Variants in OTOGL observed in about 807,000 individuals in gnomAD.
OTOGL encodes the protein otogelin like.
A neutral mutation model predicts 318.5 loss-of-function variants in OTOGL; 285 were observed. That is an observed-to-expected ratio of 0.89 (90% CI 0.81 to 0.99). OTOGL has a LOEUF of 0.99. Among genes scored for constraint, OTOGL ranks in the 50% least tolerant of loss-of-function variants. The probability of loss-of-function intolerance (pLI) is 0.00; values close to 1 mark genes in which losing one functional copy is unlikely to be tolerated. For synonymous variants in OTOGL, 987 were observed against 936.5 expected (o/e 1.05, Z -0.99); for missense variants, 2,899 against 2,845.6 (o/e 1.02, Z -0.43).
At chr12:80,267,511 G>A (rs1195961058) in intron 22 of OTOGL, among the ~76,000 whole-genome samples, 184 bp downstream of exon 22, 3 of 150,880 alleles carry the variant, frequency 2.0e-5, no homozygotes, top group East Asian at 3.9e-4. Context: ...CCATTAACTC[G>A]TCATTTACAT....
intron 3 of OTOGL, 86 bp from the exon 4 acceptor site, chr12:80,211,863 G>A: frequency 9.1e-7 from 1 of 1,095,866 alleles, no homozygotes; most frequent in South Asian, 1.5e-5. Flanking sequence ...GAAATCAGGA[G>A]GAAAACACCA....
chr12:80,191,293 C>A (rs1044430318), intron 1 of OTOGL, among the ~76,000 whole-genome samples: 4 of 152,108 alleles, frequency 2.6e-5, no homozygotes. Flanking sequence ...CAAAAATTAG[C>A]CAGGCGCGGG....
At chr12:80,221,268 CTTT>C (rs5799457) in intron 6 of OTOGL, among the ~76,000 whole-genome samples, 1 of 137,050 alleles carries the variant, frequency 7.3e-6, no homozygotes, top group Non-Finnish European at 1.6e-5. Context: ...TCCAGCATAC[CTTT>C]TTTTTTTTTT....
chr12:80,254,688 A>T, intron 15 of OTOGL, 118 bp downstream of exon 15: 1 of 786,270 alleles, frequency 1.3e-6, no homozygotes, highest in Non-Finnish European at 1.9e-6. Flanking sequence ...ATAATCTGTA[A>T]ATGCAATTAC....
intron 1 of OTOGL, among the ~76,000 whole-genome samples, chr12:80,165,365 T>C (rs889651605): frequency 9.9e-5 from 15 of 152,192 alleles, no homozygotes; most frequent in African/African-American, 3.6e-4. Flanking sequence ...GGGCCAACTA[T>C]GTGCAAAGTA....
intron 4 of OTOGL, among the ~76,000 whole-genome samples, chr12:80,213,257 T>C (rs780970177): frequency 1.3e-5 from 2 of 152,374 alleles, no homozygotes; most frequent in African/African-American, 4.8e-5. Context: ...TAAACTGTCA[T>C]GGCGTTGGTG....
chr12:80,137,210 C>A (rs1871634129), intron 1 of OTOGL, among the ~76,000 whole-genome samples: 1 of 151,680 alleles, frequency 6.6e-6, no homozygotes, highest in African/African-American at 2.4e-5. Context: ...GGTATTTATA[C>A]AAAAATGCCA....
Position 80,138,838 on chromosome 12 carries a change from TG to T in OTOGL, c.-20+39234del, listed in dbSNP as rs1218099486. On this transcript the variant is annotated intron_variant, in intron 1 of 58. Coordinates refer to ENST00000547103, the MANE Select transcript of OTOGL (RefSeq NM_001378609.3). Reference sequence around the variant, plus strand: ...TACTGATACATCTTTAACACTAAAATGTTTTTTGAGTGAATGAATAAATGAA... The same window carrying T: ...TACTGATACATCTTTAACACTAAAATTTTTTTGAGTGAATGAATAAATGAA... Among the ~76,000 whole-genome samples, 3 of 152,294 alleles carry T rather than the reference TG, an allele frequency of 2.0e-5. No individual in the cohort carries two copies. The East Asian group carries it at 5.8e-4, about 29-fold the overall frequency.
At chr12:80,162,312 T>C (rs1054150291) in intron 1 of OTOGL, among the ~76,000 whole-genome samples, 28 of 152,132 alleles carry the variant, frequency 1.8e-4, no homozygotes, top group Non-Finnish European at 1.5e-4. Context: ...TCTCTAATTA[T>C]AGAGATGGTG....
At chr12:80,335,719 G>A (rs1207047558) in intron 38 of OTOGL, among the ~76,000 whole-genome samples, 2 of 152,004 alleles carry the variant, frequency 1.3e-5, no homozygotes, top group Non-Finnish European at 2.9e-5. Context: ...TTCTTCAGAT[G>A]TTTGAATATA....
intron 7 of OTOGL, 85 bp downstream of exon 7, chr12:80,222,330 A>T (rs913209626): frequency 3.9e-5 from 48 of 1,237,812 alleles, no homozygotes; most frequent in Non-Finnish European, 5.0e-5. Flanking sequence ...AATGATGCAA[A>T]ATATATACTA....
At chr12:80,256,652 T>C (rs1298534113) in intron 17 of OTOGL, among the ~76,000 whole-genome samples, 192 bp downstream of exon 17, 1 of 152,108 alleles carries the variant, frequency 6.6e-6, no homozygotes, top group East Asian at 1.9e-4. Context: ...ACCTAGTGAT[T>C]ACCTCAAGTG....
At chr12:80,137,084 A>G (rs1399451416) in intron 1 of OTOGL, among the ~76,000 whole-genome samples, 2 of 152,190 alleles carry the variant, frequency 1.3e-5, no homozygotes, top group East Asian at 3.9e-4. Flanking sequence ...ATGTAGAAGG[A>G]CTATTTTCCT....
At chr12:80,374,998 C>T (rs977554270) in intron 57 of OTOGL, among the ~76,000 whole-genome samples, 2 of 152,110 alleles carry the variant, frequency 1.3e-5, no homozygotes, top group East Asian at 1.9e-4. Flanking sequence ...TTAGGCCTGT[C>T]CAGTATCTGG....
rs181931417 is a variant in OTOGL at position 80,286,512 on chromosome 12, T to A, written c.2928+7346T>A. On this transcript the variant is annotated intron_variant, in intron 26 of 58. Transcript: ENST00000547103. ...TGAATCCATCTGGTCCTGGGCTTTT[T>A]TTGGTTGGTAGGCTATTAATTACTG... 6.1e-3 allele frequency among the ~76,000 whole-genome samples: 923 copies of A among 152,286 alleles called. 13 individuals are homozygous for A. Among genetic ancestry groups the A allele is most frequent in the Non-Finnish European group, 5.7e-3 (388 of 68,024 alleles).
chr12:80,129,892 T>A (rs1384881791), intron 1 of OTOGL, among the ~76,000 whole-genome samples: 3 of 152,196 alleles, frequency 2.0e-5, no homozygotes, highest in Non-Finnish European at 4.4e-5. Flanking sequence ...CATGACCCCA[T>A]ATAAAACTGA....
intron 52 of OTOGL, 42 bp from the exon 53 acceptor site, chr12:80,366,532 A>ATAT: frequency 8.1e-6 from 1 of 123,026 alleles, no homozygotes; most frequent in South Asian, 2.1e-4. Context: ...TATATATATA[A>ATAT]AATAAGCTAA....
rs751474181 is a variant in OTOGL at position 80,233,057 on chromosome 12, C to T, written c.777C>T (p.Asn259=). The T allele has an allele frequency of 2.5e-6, 4 of 1,597,916 alleles. No homozygotes were observed. Among genetic ancestry groups the T allele is most frequent in the Non-Finnish European group, 3.4e-6 (4 of 1,178,394 alleles). Residue 259 remains asparagine, a synonymous_variant, in exon 9 of 59, where the codon AAC becomes AAT. Coordinates refer to ENST00000547103, the MANE Select transcript of OTOGL (RefSeq NM_001378609.3). Reference sequence around the variant, plus strand: ...GGAAATCATGTGGCCTATGTGGAAACTACAATGACATTCAATCTGATGATT... The same window carrying T: ...GGAAATCATGTGGCCTATGTGGAAATTACAATGACATTCAATCTGATGATT... ...HKGKSCGLCG[N]YNDIQSDDFI... is the part of the protein sequence containing the mutation.
chr12:80,270,602 A>C (rs550857557), intron 23 of OTOGL, among the ~76,000 whole-genome samples: 65 of 152,126 alleles, frequency 4.3e-4, no homozygotes, highest in Non-Finnish European at 7.1e-4. Flanking sequence ...TGATACCTGA[A>C]ATTCTACATT....
Sources: allele counts gnomAD v4.1 joint callset (sites outside exome capture counted in the v4.1 genomes callset), GRCh38; gene constraint gnomAD v4.1.1; transcripts MANE v1.5; gene names NCBI Gene and HGNC (gene_info 2026-07-23, HGNC 2026-07-21).